The following PLCB1 variants were observed in gnomAD, a reference collection of about 807,000 sequenced individuals.
PLCB1 encodes 1-phosphatidylinositol 4,5-bisphosphate phosphodiesterase beta-1.
A neutral mutation model predicts 161.8 loss-of-function variants in PLCB1; 46 were observed. The observed-to-expected ratio is 0.28, with a 90% CI of 0.22 to 0.36. The LOEUF (loss-of-function observed/expected upper bound fraction) is 0.36, where lower values mean the gene tolerates loss of function less well. Ranked by LOEUF, PLCB1 falls within the 10% of genes least tolerant of loss-of-function variation. PLCB1 has a pLI of 1.00. For synonymous variants in PLCB1, 517 were observed against 503.7 expected, an observed-to-expected ratio of 1.03 and a Z score of -0.35; for missense variants, 1,016 against 1,472.5, an observed-to-expected ratio of 0.69 and a Z score of 5.07.
intron 9 of PLCB1, among the ~76,000 whole-genome samples, chr20:8,669,472 T>A (rs1279130504): frequency 6.6e-6 from 1 of 152,232 alleles, no homozygotes; most frequent in African/African-American, 2.4e-5. Flanking sequence ...GAGAGGTAAG[T>A]CTAAAAATGT....
intron 3 of PLCB1, among the ~76,000 whole-genome samples, chr20:8,561,033 A>T (rs1275452532): frequency 6.6e-6 from 1 of 151,922 alleles, no homozygotes; most frequent in African/African-American, 2.4e-5. Context: ...GTGGTGATAA[A>T]CTAGGATATG....
chr20:8,741,603 C>A, intron 23 of PLCB1, 30 bp downstream of exon 23: 2 of 1,423,356 alleles, frequency 1.4e-6, no homozygotes, highest in Non-Finnish European at 2.0e-6. Flanking sequence ...TTACATATAG[C>A]ATTAAGCATG....
intron 3 of PLCB1, among the ~76,000 whole-genome samples, chr20:8,428,381 C>G (rs1056069136): frequency 2.6e-5 from 4 of 152,134 alleles, no homozygotes; most frequent in African/African-American, 4.8e-5. Context: ...CCACCACACT[C>G]AGCTAATTTT....
At chr20:8,803,222 G>T (rs2146241469) in intron 31 of PLCB1, among the ~76,000 whole-genome samples, 1 of 151,950 alleles carries the variant, frequency 6.6e-6, no homozygotes, top group African/African-American at 2.4e-5. Context: ...ACTTATCTAG[G>T]ATGTCTGAGT....
intron 31 of PLCB1, among the ~76,000 whole-genome samples, chr20:8,826,292 G>A (rs186302727): frequency 2.0e-3 from 299 of 152,106 alleles, no homozygotes; most frequent in African/African-American, 4.4e-3. Flanking sequence ...TCAGGAGATC[G>A]AGACCATCCT....
At chr20:8,607,342 T>A (rs1987786037) in intron 3 of PLCB1, among the ~76,000 whole-genome samples, 1 of 152,208 alleles carries the variant, frequency 6.6e-6, no homozygotes, top group Admixed American at 6.5e-5. Flanking sequence ...ATCATTTCAC[T>A]CCCCTGCATT....
intron 23 of PLCB1, chr20:8,750,726 C>G (rs1196194025): frequency 1.9e-6 from 1 of 535,080 alleles, no homozygotes; most frequent in African/African-American, 2.0e-5. Flanking sequence ...AAATTGTGCT[C>G]ATGTTTGAAG....
chr20:8,165,674 T>C (rs2051667929), intron 2 of PLCB1, among the ~76,000 whole-genome samples: 1 of 152,228 alleles, frequency 6.6e-6, no homozygotes. Context: ...GTCAAATGAA[T>C]GAGACTTACA....
chr20:8,714,918 C>T (rs1227636093), intron 12 of PLCB1, among the ~76,000 whole-genome samples: 1 of 151,316 alleles, frequency 6.6e-6, no homozygotes, highest in Non-Finnish European at 1.5e-5. Context: ...TGATTTGAAC[C>T]GTCAATACCA....
intron 2 of PLCB1, among the ~76,000 whole-genome samples, chr20:8,240,095 A>G (rs1276712202): frequency 6.6e-6 from 1 of 151,956 alleles, no homozygotes; most frequent in Non-Finnish European, 1.5e-5. Context: ...TACTTAGACT[A>G]TGCCTCTGAT....
At chr20:8,593,057 T>TCATCTGATTCCAAGCCCAGATA (rs1345398842) in intron 3 of PLCB1, among the ~76,000 whole-genome samples, 3 of 152,152 alleles carry the variant, frequency 2.0e-5, no homozygotes, top group African/African-American at 7.2e-5. Context: ...GAGCCTAGAT[T>TCATCTGATTCCAAGCCCAGATA]CATCTGATTC....
chr20:8,733,840 G>A (rs1980423955), intron 19 of PLCB1, among the ~76,000 whole-genome samples: 1 of 148,364 alleles, frequency 6.7e-6, no homozygotes, highest in East Asian at 2.0e-4. Flanking sequence ...GTTTTGGTAG[G>A]GTCGGGCGCA....
Position 8,433,705 on chromosome 20 carries a change from C to A in PLCB1, c.246+62255C>A, listed in dbSNP as rs574804450. On this transcript the variant is annotated intron_variant, in intron 3 of 31. Transcript: ENST00000338037. ...TAAATGACGAGTGTATCCTTCTCCT[C>A]TTCCTCCTCCTCCTCCTCATCCTCC... Among the ~76,000 whole-genome samples, 6 of 125,618 alleles carry A rather than the reference C, an allele frequency of 4.8e-5. No individual in the cohort carries two copies. In the South Asian group the frequency reaches 1.5e-3, roughly 31 times the overall value. The allele number at this position is 125,618 out of a possible 152,430, so 82.4% of individuals were successfully genotyped here. A position where few individuals can be genotyped will look rare whatever the true frequency, so the allele number is the denominator to read the frequency against.
At chr20:8,548,804 G>A (rs1353270661) in intron 3 of PLCB1, among the ~76,000 whole-genome samples, 2 of 152,158 alleles carry the variant, frequency 1.3e-5, no homozygotes, top group Admixed American at 6.5e-5. Context: ...GTCTGACACA[G>A]GTGAGCTTTC....
chr20:8,525,926 G>A (rs1050162728), intron 3 of PLCB1, among the ~76,000 whole-genome samples: 1 of 151,928 alleles, frequency 6.6e-6, no homozygotes, highest in African/African-American at 2.4e-5. Flanking sequence ...TCAATTTTTA[G>A]TATTTTTTTT....
intron 23 of PLCB1, among the ~76,000 whole-genome samples, chr20:8,746,063 C>T (rs537912207): frequency 6.6e-6 from 1 of 152,252 alleles, no homozygotes; most frequent in African/African-American, 2.4e-5. Context: ...ACCCAAGTAG[C>T]CGGGACTACA....
chr20:8,749,645 T>A (rs1047422194), intron 23 of PLCB1, among the ~76,000 whole-genome samples: 1 of 152,206 alleles, frequency 6.6e-6, no homozygotes, highest in Non-Finnish European at 1.5e-5. Flanking sequence ...TGGTAGGAAC[T>A]TTTTTATATA....
chr20:8,142,404 G>A (rs1263298074), intron 1 of PLCB1, among the ~76,000 whole-genome samples: 1 of 152,200 alleles, frequency 6.6e-6, no homozygotes, highest in East Asian at 1.9e-4. Context: ...CTCCATGTGT[G>A]TTTGAGAAGG....
chr20:8,539,592 G>A (rs1022779289), intron 3 of PLCB1, among the ~76,000 whole-genome samples: 7 of 150,098 alleles, frequency 4.7e-5, no homozygotes, highest in Non-Finnish European at 7.4e-5. Context: ...TTGGAACAGG[G>A]TAGATACTTG....
Sources: gnomAD v4.1 joint callset for allele counts (sites outside exome capture counted in the v4.1 genomes callset) on GRCh38, gnomAD v4.1.1 for gene constraint, MANE v1.5 for transcripts, NCBI Gene and HGNC (gene_info 2026-07-23, HGNC 2026-07-21) for gene names.